Variants in ITGAL observed in about 807,000 individuals in gnomAD.
ITGAL encodes the protein integrin subunit alpha L.
In ITGAL, 68 loss-of-function variants were observed where a neutral mutation model predicts 138.4. The observed-to-expected ratio is 0.49, with a 90% CI of 0.40 to 0.60. The LOEUF (loss-of-function observed/expected upper bound fraction) is 0.60, where lower values mean the gene tolerates loss of function less well. Among genes scored for constraint, ITGAL ranks in the 20% least tolerant of loss-of-function variants. The probability of loss-of-function intolerance (pLI) is 0.00; values close to 1 mark genes in which losing one functional copy is unlikely to be tolerated. For synonymous variants in ITGAL, 561 were observed against 584.3 expected (o/e 0.96, Z 0.57); for missense variants, 1,256 against 1,478.6 (o/e 0.85, Z 2.47).
chr16:30,475,220 A>G (rs765530766), intron 2 of ITGAL, 86 bp from the exon 3 acceptor site: 6 of 945,058 alleles, frequency 6.3e-6, no homozygotes, highest in Non-Finnish European at 8.3e-6. Flanking sequence ...GAGAAATGAG[A>G]CAGGAGATCT....
At chr16:30,506,259 C>CAGT (rs2050993070) in intron 20 of ITGAL, among the ~76,000 whole-genome samples, 1 of 37,480 alleles carries the variant, frequency 2.7e-5, no homozygotes, top group South Asian at 1.5e-3. Flanking sequence ...GATTCTGTCT[C>CAGT]AATAAAAAAA....
chr16:30,514,912 C>A (rs1332019621), intron 25 of ITGAL, among the ~76,000 whole-genome samples: 3 of 151,520 alleles, frequency 2.0e-5, no homozygotes, highest in African/African-American at 7.3e-5. Flanking sequence ...GCAACCTCCG[C>A]CTCCTGGATT....
chr16:30,488,690 G>A (rs903151002), intron 9 of ITGAL, among the ~76,000 whole-genome samples: 1 of 119,272 alleles, frequency 8.4e-6, no homozygotes, highest in Non-Finnish European at 1.6e-5. Context: ...GTGACAGAGA[G>A]AGACTCCATC....
At chr16:30,478,375 G>A (rs1263983946) in intron 4 of ITGAL, among the ~76,000 whole-genome samples, 1 of 150,608 alleles carries the variant, frequency 6.6e-6, no homozygotes, top group Non-Finnish European at 1.5e-5. Context: ...AGTGGGGGGC[G>A]GAGGGGAGGG....
At chr16:30,512,662 G>A (rs765586683) in intron 24 of ITGAL, among the ~76,000 whole-genome samples, 4 of 151,740 alleles carry the variant, frequency 2.6e-5, no homozygotes, top group South Asian at 2.1e-4. Flanking sequence ...AGAGAAGGAC[G>A]GGGACAGTGT....
chr16:30,507,480 CAAAAAAAAAA>C (rs2051021282), intron 21 of ITGAL, among the ~76,000 whole-genome samples: 2 of 134,066 alleles, frequency 1.5e-5, no homozygotes, highest in Non-Finnish European at 3.3e-5. Flanking sequence ...AAAAAAAAAA[CAAAAAAAAAA>C]CCCACAAAAA....
At chr16:30,498,263 CAA>C (rs762799726) in intron 15 of ITGAL, among the ~76,000 whole-genome samples, 11 of 118,048 alleles carry the variant, frequency 9.3e-5, no homozygotes, top group Admixed American at 9.3e-5. Context: ...AGGAGGATCT[CAA>C]AAAAAAAAAA....
chr16:30,487,172 T>C (rs2050659922), intron 9 of ITGAL, among the ~76,000 whole-genome samples: 4 of 150,092 alleles, frequency 2.7e-5, no homozygotes. Flanking sequence ...AAAGAGTTTC[T>C]ACTATATTGC....
At chr16:30,505,528 C>A in intron 20 of ITGAL, 66 bp downstream of exon 20, 1 of 1,187,896 alleles carries the variant, frequency 8.4e-7, no homozygotes, top group Non-Finnish European at 1.3e-6. Flanking sequence ...ACTCCACTCA[C>A]CAGATATGTC....
In ITGAL at chr16:30,472,977, A is replaced by G. The variant is rs1328489362; in HGVS notation, c.61+79A>G. The G allele has an allele frequency of 2.5e-5, 34 of 1,353,676 alleles. No individual in the cohort carries two copies. In the East Asian group the frequency reaches 7.4e-4, roughly 30 times the overall value. The allele number at this position is 1,353,676 out of a possible 1,614,324, so 83.9% of individuals were successfully genotyped here. ...GCAGGGCTTGGTGCAGCTGGAGTAA[A>G]CAAGGAGCTGCCCCCTAAAAGTGGG... On this transcript the variant is annotated intron_variant, in intron 1 of 30. Transcript: ENST00000356798.
intron 15 of ITGAL, chr16:30,498,680 C>T (rs1222295508): frequency 1.3e-5 from 2 of 159,414 alleles, no homozygotes; most frequent in Non-Finnish European, 2.8e-5. Context: ...GGGAGGATTG[C>T]TTGAGCTCAG....
At chr16:30,501,220 C>G (rs1172583948) in intron 17 of ITGAL, among the ~76,000 whole-genome samples, 1 of 151,972 alleles carries the variant, frequency 6.6e-6, no homozygotes, top group African/African-American at 2.4e-5. Context: ...TTTTTCCCTA[C>G]TCTTTTCATA....
chr16:30,476,182 C>T lies in ITGAL; in HGVS notation c.327+602C>T, dbSNP rs186944803. Among the ~76,000 whole-genome samples the T allele has an allele frequency of 6.5e-4, 98 of 151,430 alleles. 3 individuals are homozygous for T. In the East Asian group the frequency reaches 0.019, roughly 29 times the overall value. On this transcript the variant is annotated intron_variant, in intron 4 of 30. Transcript: ENST00000356798. ...AGGAGAATGGTGTGAACCCGGGAGG[C>T]GGAGCTTGCAGTGAGCCGAGATCAT...
chr16:30,488,318 T>G (rs2050676397), intron 9 of ITGAL, among the ~76,000 whole-genome samples: 1 of 152,068 alleles, frequency 6.6e-6, no homozygotes, highest in African/African-American at 2.4e-5. Flanking sequence ...GCATGGTTCA[T>G]TAGGTGAGTG....
chr16:30,516,331 G>A (rs113211672), intron 25 of ITGAL, among the ~76,000 whole-genome samples: 148 of 151,904 alleles, frequency 9.7e-4, no homozygotes, highest in Non-Finnish European at 1.1e-3. Context: ...CTGGGTTTAA[G>A]TAATTCTCCT....
At position 30,515,766 on chromosome 16, in the gene ITGAL, G is replaced by A. The variant is rs535467684; in HGVS notation, c.2863-1207G>A. Among the ~76,000 whole-genome samples, 3 of 152,298 alleles carry A rather than the reference G, an allele frequency of 2.0e-5. No homozygotes were observed. The East Asian group carries it at 5.8e-4, about 29-fold the overall frequency. ...GTGGGCAGATCACCTGAGGTCAGGA[G>A]TTCAAGACCAGCCTGGCCAACATGA... is the stretch of plus-strand genomic sequence containing the variant. On this transcript the variant is annotated intron_variant, in intron 25 of 30. Transcript: ENST00000356798.
chr16:30,473,089 G>A (rs2050417015), intron 1 of ITGAL, among the ~76,000 whole-genome samples, 191 bp downstream of exon 1: 1 of 152,148 alleles, frequency 6.6e-6, no homozygotes, highest in Non-Finnish European at 1.5e-5. Context: ...GCAAGGGGTG[G>A]AGGCAAAGAC....
intron 1 of ITGAL, 120 bp downstream of exon 1, chr16:30,473,018 A>G: frequency 1.2e-6 from 1 of 861,596 alleles, no homozygotes; most frequent in Non-Finnish European, 1.9e-6. Context: ...CCTTAGGGAT[A>G]TGGGGCCCAG....
chr16:30,482,243 A>C (rs1279206553), intron 7 of ITGAL, among the ~76,000 whole-genome samples: 1 of 151,982 alleles, frequency 6.6e-6, no homozygotes, highest in Admixed American at 6.6e-5. Flanking sequence ...ACACCATTGC[A>C]CTCCAGCCTG....
Sources: gnomAD v4.1 joint callset for allele counts (sites outside exome capture counted in the v4.1 genomes callset) on GRCh38, gnomAD v4.1.1 for gene constraint, MANE v1.5 for transcripts, NCBI Gene and HGNC (gene_info 2026-07-23, HGNC 2026-07-21) for gene names.